UBAC2: variants seen among roughly 807,000 people sequenced by gnomAD.
UBAC2 encodes UBA domain containing 2, also known as ubiquitin-associated domain-containing protein 2.
In UBAC2, 26 loss-of-function variants were observed where a neutral mutation model predicts 44.0. The ratio of observed to expected loss-of-function variants is 0.59; its 90% CI spans 0.43 to 0.82. UBAC2 has a LOEUF of 0.82. Among genes scored for constraint, UBAC2 ranks in the 40% least tolerant of loss-of-function variants. The pLI, the probability that UBAC2 is intolerant of heterozygous loss-of-function variation, is 0.00. For synonymous variants in UBAC2, 155 were observed against 154.3 expected (o/e 1.00, Z -0.04); for missense variants, 329 against 419.4 (o/e 0.78, Z 1.88).
chr13:99,240,670 T>C (rs1050820286), intron 2 of UBAC2, among the ~76,000 whole-genome samples: 1 of 152,174 alleles, frequency 6.6e-6, no homozygotes, highest in Non-Finnish European at 1.5e-5. Flanking sequence ...TGGAGGTATA[T>C]GCTGCCTAAA....
At chr13:99,364,029 T>C (rs898373648) in intron 7 of UBAC2, among the ~76,000 whole-genome samples, 11 of 152,222 alleles carry the variant, frequency 7.2e-5, no homozygotes, top group African/African-American at 2.7e-4. Flanking sequence ...TACTCTCTTG[T>C]TCTCATGCTT....
intron 4 of UBAC2, among the ~76,000 whole-genome samples, chr13:99,300,696 A>G (rs2044245378): frequency 6.6e-6 from 1 of 152,130 alleles, no homozygotes; most frequent in South Asian, 2.1e-4. Flanking sequence ...ACCTTTTTGT[A>G]TTAGAGGGTC....
chr13:99,354,239 G>A (rs754707751), intron 7 of UBAC2, among the ~76,000 whole-genome samples: 1 of 152,242 alleles, frequency 6.6e-6, no homozygotes, highest in Non-Finnish European at 1.5e-5. Flanking sequence ...TTCATGAGCA[G>A]TGTGAGCCGG....
rs3031384 is a variant in UBAC2, at chr13:99,216,082, TTGTGTGTGTGTGTG to T, written c.31+15161_31+15174del. 5.4e-5 allele frequency among the ~76,000 whole-genome samples: 8 copies of T among 148,740 alleles called. No individual in the cohort carries two copies. In the East Asian group the frequency reaches 9.8e-4, roughly 18 times the overall value. Reference sequence around the variant, plus strand: ...CAATTACTTTTGTACCAACCTATATTTGTGTGTGTGTGTGTGTGTGTGTGTGTGTGTATTTTTGA... The same window carrying T: ...CAATTACTTTTGTACCAACCTATATTTGTGTGTGTGTGTGTGTATTTTTGA... On this transcript the variant is annotated intron_variant, in intron 1 of 8. Transcript: ENST00000403766.
chr13:99,384,106 C>T lies in UBAC2; in HGVS notation c.928-1122C>T, dbSNP rs906557404. Among the ~76,000 whole-genome samples, 23 of 142,670 alleles carry T rather than the reference C, an allele frequency of 1.6e-4. No individual in the cohort carries two copies. In the South Asian group the frequency reaches 5.1e-3, roughly 31 times the overall value. The allele number at this position is 142,670 out of a possible 152,430, so 93.6% of individuals were successfully genotyped here. On this transcript the variant is annotated intron_variant, in intron 8 of 8. Transcript: ENST00000403766. ...GTCCCCATTCACACCCACTGAGTCC[C>T]CTGAGCAGAGGAAGGGGTGGTGATA...
At chr13:99,207,988 C>T (rs2042892507) in intron 1 of UBAC2, among the ~76,000 whole-genome samples, 1 of 135,420 alleles carries the variant, frequency 7.4e-6, no homozygotes, top group Admixed American at 8.2e-5. Context: ...TGCCTCTCAT[C>T]GTCTCTTTTT....
At position 99,327,312 on chromosome 13, in the gene UBAC2, G is replaced by A. The variant is rs141963841; in HGVS notation, c.561+9243G>A. On this transcript the variant is annotated intron_variant, in intron 6 of 8. Coordinates refer to ENST00000403766, the MANE Select transcript of UBAC2 (RefSeq NM_001144072.2). Reference sequence around the variant, plus strand: ...AGGAAGAGGTTGCCAAGAAACACCCGTACTTTTACATTGTAGAGATTACTG... The same window carrying A: ...AGGAAGAGGTTGCCAAGAAACACCCATACTTTTACATTGTAGAGATTACTG... 3.1e-3 allele frequency among the ~76,000 whole-genome samples: 468 copies of A among 152,294 alleles called. 2 individuals carry two copies. The highest frequency in any genetic ancestry group is 0.011 in the African/African-American group (437 of 41,560).
Position 99,385,415 on chromosome 13 carries a change from C to A in UBAC2, c.*80C>A. 1 of 1,159,706 alleles carries A rather than the reference C, an allele frequency of 8.6e-7. No homozygotes were observed. Among genetic ancestry groups the A allele is most frequent in the Non-Finnish European group, 1.3e-6 (1 of 782,792 alleles). 71.8% of individuals were successfully genotyped at this position (1,159,706 alleles called of 1,614,324 possible). A position where few individuals can be genotyped will look rare whatever the true frequency, so the allele number is the denominator to read the frequency against. On this transcript the variant is annotated 3_prime_UTR_variant, in exon 9 of 9. Coordinates refer to ENST00000403766, the MANE Select transcript of UBAC2 (RefSeq NM_001144072.2). ...CCCACCATCAGATCAGCCCGGGGAC[C>A]GAGCATCTCTGGTGCTGATGTTCTT...
chr13:99,358,285 G>A (rs960835094), intron 7 of UBAC2, among the ~76,000 whole-genome samples: 1 of 152,188 alleles, frequency 6.6e-6, no homozygotes, highest in Non-Finnish European at 1.5e-5. Flanking sequence ...GTAGTCATCC[G>A]AAAAGGCCCT....
intron 4 of UBAC2, among the ~76,000 whole-genome samples, chr13:99,244,868 T>C: frequency 6.6e-6 from 1 of 152,024 alleles, no homozygotes; most frequent in African/African-American, 2.4e-5. Flanking sequence ...AGTCTCGCTC[T>C]GTCACCCAGG....
chr13:99,325,486 T>G (rs2044629512), intron 6 of UBAC2, among the ~76,000 whole-genome samples: 1 of 152,200 alleles, frequency 6.6e-6, no homozygotes, highest in Admixed American at 6.5e-5. Flanking sequence ...CACATATCCC[T>G]TCTTCTAGGA....
rs571503748 is a variant in UBAC2 at position 99,362,779 on chromosome 13, CTT to C, written c.808-5005_808-5004del. Among the ~76,000 whole-genome samples the C allele has an allele frequency of 8.5e-5, 13 of 152,144 alleles. No individual in the cohort carries two copies. The East Asian group carries it at 2.5e-3, about 29-fold the overall frequency. ...TTTATTAAGTCTCATTGATTTGTAA[CTT>C]TTGAATTTTGAGCATATAGCAGTTA... is the stretch of plus-strand genomic sequence containing the variant. On this transcript the variant is annotated intron_variant, in intron 7 of 8. Transcript: ENST00000403766.
chr13:99,247,204 T>TGTTTTG (rs199571345), intron 4 of UBAC2, among the ~76,000 whole-genome samples: 1 of 95,488 alleles, frequency 1.0e-5, no homozygotes, highest in African/African-American at 2.8e-5. Context: ...TGTTTTTTTT[T>TGTTTTG]TTTTGTTTTG....
intron 1 of UBAC2, among the ~76,000 whole-genome samples, chr13:99,216,438 A>G (rs2042996654): frequency 6.6e-6 from 1 of 152,194 alleles, no homozygotes; most frequent in South Asian, 2.1e-4. Context: ...CCACCTATTA[A>G]TGAGAAAGCA....
chr13:99,312,213 G>A (rs566293636), intron 4 of UBAC2, among the ~76,000 whole-genome samples: 27 of 152,202 alleles, frequency 1.8e-4, no homozygotes, highest in Non-Finnish European at 2.4e-4. Context: ...GAGAAATTGC[G>A]CAAGAGGCCA....
chr13:99,230,178 A>G (rs1017257290), intron 1 of UBAC2, among the ~76,000 whole-genome samples: 1 of 152,188 alleles, frequency 6.6e-6, no homozygotes, highest in Non-Finnish European at 1.5e-5. Context: ...AACAAAAGAA[A>G]TATGGCCAGG....
chr13:99,242,651 T>C (rs1594038088), intron 2 of UBAC2, among the ~76,000 whole-genome samples: 1 of 91,512 alleles, frequency 1.1e-5, no homozygotes. Flanking sequence ...CCCACCTCCC[T>C]CCCGGACGGG....
intron 4 of UBAC2, among the ~76,000 whole-genome samples, chr13:99,279,294 T>G (rs1278539576): frequency 6.6e-6 from 1 of 152,162 alleles, no homozygotes; most frequent in African/African-American, 2.4e-5. Flanking sequence ...CAAAGTTGAC[T>G]AATAAAAAGT....
chr13:99,382,841 C>CAGGGCAG (rs1009809846), intron 8 of UBAC2, among the ~76,000 whole-genome samples: 1 of 152,122 alleles, frequency 6.6e-6, no homozygotes, highest in Non-Finnish European at 1.5e-5. Context: ...TCATCAGGCT[C>CAGGGCAG]AGGGCAGAGG....
Sources: allele counts gnomAD v4.1 joint callset (sites outside exome capture counted in the v4.1 genomes callset), GRCh38; gene constraint gnomAD v4.1.1; transcripts MANE v1.5; gene names NCBI Gene and HGNC (gene_info 2026-07-23, HGNC 2026-07-21).